Variants in NRXN3 observed in about 807,000 individuals in gnomAD.
The protein encoded by NRXN3 is neurexin 3.
In NRXN3, 32 loss-of-function variants were observed where a neutral mutation model predicts 137.6. The observed-to-expected ratio is 0.23, with a 90% CI of 0.18 to 0.31. The LOEUF is 0.31. Among genes scored for constraint, NRXN3 ranks in the 10% least tolerant of loss-of-function variants. The probability of loss-of-function intolerance (pLI) is 1.00; values close to 1 mark genes in which losing one functional copy is unlikely to be tolerated. For missense variants in NRXN3, 1,574 were observed against 2,062.5 expected (o/e 0.76, Z 4.59); for synonymous variants, 798 against 784.5 (o/e 1.02, Z -0.29).
chr14:79,470,250 G>GT (rs902060869), intron 16 of NRXN3, among the ~76,000 whole-genome samples: 12 of 152,264 alleles, frequency 7.9e-5, no homozygotes, highest in East Asian at 1.9e-4. Flanking sequence ...GGTTTTCTCA[G>GT]TTTTTTTACT....
chr14:78,909,212 A>G (rs1437714044), intron 10 of NRXN3, among the ~76,000 whole-genome samples: 3 of 152,170 alleles, frequency 2.0e-5, no homozygotes, highest in Non-Finnish European at 4.4e-5. Flanking sequence ...GTGACAGGAG[A>G]TGAAACATGG....
At chr14:78,602,567 C>G (rs2097210948) in intron 4 of NRXN3, 1 of 152,122 alleles carries the variant, frequency 6.6e-6, no homozygotes, top group African/African-American at 2.4e-5. Context: ...ATGTTGTTAC[C>G]CAGGAGCAGC....
At chr14:78,912,201 G>C (rs571542784) in intron 10 of NRXN3, among the ~76,000 whole-genome samples, 4 of 151,272 alleles carry the variant, frequency 2.6e-5, no homozygotes, top group African/African-American at 7.3e-5. Flanking sequence ...ATAGTTTGCT[G>C]AGAATGATGG....
chr14:79,065,182 T>C (rs1353518985), intron 15 of NRXN3, among the ~76,000 whole-genome samples: 5 of 152,116 alleles, frequency 3.3e-5, no homozygotes, highest in Non-Finnish European at 7.3e-5. Context: ...AATTCACATC[T>C]TGCTTTTTTC....
At chr14:78,926,457 T>G (rs1025853555) in intron 10 of NRXN3, among the ~76,000 whole-genome samples, 1 of 149,528 alleles carries the variant, frequency 6.7e-6, no homozygotes, top group Non-Finnish European at 1.5e-5. Context: ...TAACATAATT[T>G]TGGCCAAGTG....
chr14:78,521,116 T>C (rs1272425369), intron 4 of NRXN3, among the ~76,000 whole-genome samples: 1 of 152,160 alleles, frequency 6.6e-6, no homozygotes, highest in Non-Finnish European at 1.5e-5. Flanking sequence ...GAATAATTTA[T>C]GGGGGATCCA....
At chr14:78,718,305 A>T (rs2098443695) in intron 8 of NRXN3, among the ~76,000 whole-genome samples, 1 of 152,176 alleles carries the variant, frequency 6.6e-6, no homozygotes, top group Non-Finnish European at 1.5e-5. Flanking sequence ...CATTGGTATA[A>T]CTGGGCCCAC....
At chr14:79,047,227 T>C (rs754742324) in intron 15 of NRXN3, among the ~76,000 whole-genome samples, 2 of 151,908 alleles carry the variant, frequency 1.3e-5, no homozygotes, top group Non-Finnish European at 2.9e-5. Context: ...AAGACTTCTT[T>C]ATGTGAAGTA....
chr14:79,138,895 G>A (rs568044265), intron 15 of NRXN3, among the ~76,000 whole-genome samples: 86 of 152,322 alleles, frequency 5.6e-4, no homozygotes, highest in African/African-American at 1.8e-3. Context: ...AAGCCATTGA[G>A]TTGCTCCCAA....
At chr14:79,113,354 G>A (rs919976240) in intron 15 of NRXN3, among the ~76,000 whole-genome samples, 2 of 152,080 alleles carry the variant, frequency 1.3e-5, no homozygotes, top group African/African-American at 4.8e-5. Context: ...CTCCACCATG[G>A]GAACAAAGGC....
chr14:78,682,484 T>C (rs2152745993), intron 6 of NRXN3, among the ~76,000 whole-genome samples: 1 of 152,144 alleles, frequency 6.6e-6, no homozygotes, highest in South Asian at 2.1e-4. Flanking sequence ...CTGGGCCTTG[T>C]TAAGGCAGCT....
Position 79,085,480 on chromosome 14 carries a change from A to G in NRXN3, c.3262+97339A>G, listed in dbSNP as rs1011985618. Among the ~76,000 whole-genome samples the G allele has an allele frequency of 3.3e-5, 5 of 152,338 alleles. No individual in the cohort carries two copies. The East Asian group carries it at 9.6e-4, about 29-fold the overall frequency. On this transcript the variant is annotated intron_variant, in intron 15 of 20. Transcript: ENST00000335750. The stretch of plus-strand genomic sequence containing the variant: ...TTTTATTTTTAACGCTTCAATGTGT[A>G]TTACTGGAGAAGAAATTGAAGTAAC...
chr14:78,442,408 C>T (rs1156810531), intron 4 of NRXN3, among the ~76,000 whole-genome samples: 3 of 152,182 alleles, frequency 2.0e-5, no homozygotes, highest in African/African-American at 7.2e-5. Context: ...CCACCAGAAG[C>T]TGGAAGAAGC....
chr14:79,707,504 T>TATTA (rs3061444), intron 19 of NRXN3, among the ~76,000 whole-genome samples: 46,545 of 151,764 alleles, frequency 0.31, 7,301 homozygotes, highest in South Asian at 0.37. Context: ...TATGTTTTTT[T>TATTA]ATTATCTGAA....
intron 1 of NRXN3, among the ~76,000 whole-genome samples, chr14:78,207,205 A>C (rs1379260378): frequency 6.6e-6 from 1 of 152,006 alleles, no homozygotes; most frequent in East Asian, 1.9e-4. Flanking sequence ...CTAGCCACAG[A>C]TCTACAGGGT....
chr14:78,739,077 G>A (rs530346834), intron 8 of NRXN3, among the ~76,000 whole-genome samples: 4 of 152,298 alleles, frequency 2.6e-5, no homozygotes, highest in East Asian at 3.9e-4. Context: ...CCTATTCTCC[G>A]TCATAAGTTC....
intron 19 of NRXN3, among the ~76,000 whole-genome samples, chr14:79,710,422 C>CAAAG (rs1555651394): frequency 2.6e-5 from 4 of 152,078 alleles, no homozygotes; most frequent in African/African-American, 4.8e-5. Context: ...GTTTCTCATT[C>CAAAG]AAAGAAAGGG....
chr14:78,589,857 A>AT (rs2097100676), intron 4 of NRXN3, among the ~76,000 whole-genome samples: 1 of 152,202 alleles, frequency 6.6e-6, no homozygotes, highest in Non-Finnish European at 1.5e-5. Context: ...CTTAAATTTG[A>AT]TTTAAGTTTC....
intron 19 of NRXN3, among the ~76,000 whole-genome samples, chr14:79,725,846 GA>G (rs2098884582): frequency 1.3e-5 from 2 of 152,092 alleles, no homozygotes; most frequent in African/African-American, 4.8e-5. Flanking sequence ...TCTGGAAGGG[GA>G]AAAATGACAG....
Sources: gnomAD v4.1 joint callset for allele counts (sites outside exome capture counted in the v4.1 genomes callset) on GRCh38, gnomAD v4.1.1 for gene constraint, MANE v1.5 for transcripts, NCBI Gene and HGNC (gene_info 2026-07-23, HGNC 2026-07-21) for gene names.